Variants in KAZN observed in about 807,000 individuals in gnomAD.
KAZN encodes the protein kazrin.
Under a neutral mutation model 87.4 loss-of-function variants are expected in KAZN, and 40 were observed. That is an observed-to-expected ratio of 0.46 (90% confidence interval 0.36 to 0.60). The LOEUF (loss-of-function observed/expected upper bound fraction) is 0.60, where lower values mean the gene tolerates loss of function less well. Among genes scored for constraint, KAZN ranks in the 20% least tolerant of loss-of-function variants. The pLI, the probability that KAZN is intolerant of heterozygous loss-of-function variation, is 0.00. For synonymous variants in KAZN, 466 were observed against 458.3 expected, an observed-to-expected ratio of 1.02 and a Z score of -0.22; for missense variants, 898 against 1,073.9, an observed-to-expected ratio of 0.84 and a Z score of 2.29.
chr1:14,055,830 C>T lies in KAZN; in HGVS notation c.92-124605C>T, dbSNP rs142068936. Among the ~76,000 whole-genome samples, 648 of 152,206 alleles carry T rather than the reference C, an allele frequency of 4.3e-3. 3 individuals are homozygous for T. Among genetic ancestry groups the T allele is most frequent in the Non-Finnish European group, 5.6e-3 (380 of 68,006 alleles). On this transcript the variant is annotated intron_variant, in intron 1 of 16. Transcript: ENST00000636203. Reference sequence around the variant, plus strand: ...GTTTACAACAGAAAAATCAGCCTCCCGGATGTGTTCTGGACTTAATTTTGC... The same window carrying T: ...GTTTACAACAGAAAAATCAGCCTCCTGGATGTGTTCTGGACTTAATTTTGC...
At chr1:14,611,778 T>C (rs1490534801) in intron 1 of KAZN, among the ~76,000 whole-genome samples, 1 of 152,108 alleles carries the variant, frequency 6.6e-6, no homozygotes, top group Non-Finnish European at 1.5e-5. Context: ...CTTGTTTTGG[T>C]GTGAAGTTCA....
At position 14,985,864 on chromosome 1, in the gene KAZN, G is replaced by A. The variant is rs140668477; in HGVS notation, c.418+24989G>A. Among the ~76,000 whole-genome samples the A allele has an allele frequency of 4.5e-3, 690 of 151,984 alleles. 5 individuals are homozygous for A. The highest frequency in any genetic ancestry group is 0.016 in the African/African-American group (653 of 41,456). On this transcript the variant is annotated intron_variant, in intron 2 of 14. Transcript: ENST00000376030. ...CTAAGAATACAAAAATTAGCTGGGC[G>A]TGGTGGCACATGCCTGTAATCCCAG... is the stretch of plus-strand genomic sequence containing the variant.
At chr1:13,952,411 T>A (rs1641385761) in intron 1 of KAZN, among the ~76,000 whole-genome samples, 1 of 151,744 alleles carries the variant, frequency 6.6e-6, no homozygotes, top group African/African-American at 2.4e-5. Context: ...TGATTTGGGA[T>A]GATAGGATGA....
intron 1 of KAZN, among the ~76,000 whole-genome samples, chr1:14,772,032 A>C (rs1184666395): frequency 6.6e-6 from 1 of 152,132 alleles, no homozygotes; most frequent in African/African-American, 2.4e-5. Context: ...GCTCTTTCTA[A>C]GATGACAAAA....
At chr1:14,717,180 C>T (rs1333908704) in intron 1 of KAZN, among the ~76,000 whole-genome samples, 2 of 151,590 alleles carry the variant, frequency 1.3e-5, no homozygotes, top group South Asian at 2.1e-4. Context: ...CTCCCACTCC[C>T]CCCTACTCAC....
intron 1 of KAZN, among the ~76,000 whole-genome samples, chr1:13,962,661 G>A (rs755091903): frequency 4.6e-5 from 7 of 152,148 alleles, no homozygotes; most frequent in Non-Finnish European, 1.0e-4. Context: ...AGGTTCAAGC[G>A]ATTCTCCTGC....
At chr1:14,605,796 A>G (rs1391760011) in intron 1 of KAZN, among the ~76,000 whole-genome samples, 1 of 152,170 alleles carries the variant, frequency 6.6e-6, no homozygotes, top group African/African-American at 2.4e-5. Context: ...CAGGTCAACT[A>G]TGTAATGCCC....
At chr1:14,993,924 C>T (rs181423838) in intron 2 of KAZN, among the ~76,000 whole-genome samples, 2 of 152,328 alleles carry the variant, frequency 1.3e-5, no homozygotes, top group Admixed American at 1.3e-4. Context: ...AGGACAGGCA[C>T]TCCATGCAGG....
intron 2 of KAZN, among the ~76,000 whole-genome samples, chr1:14,270,940 C>G (rs953755223): frequency 6.6e-6 from 1 of 152,180 alleles, no homozygotes; most frequent in Non-Finnish European, 1.5e-5. Flanking sequence ...AAGCAAAGCA[C>G]CCTCATGGCG....
At chr1:14,723,371 G>A (rs924274297) in intron 1 of KAZN, among the ~76,000 whole-genome samples, 4 of 152,148 alleles carry the variant, frequency 2.6e-5, no homozygotes, top group Admixed American at 1.3e-4. Context: ...GACCAAGCAG[G>A]CAAAGCAGGA....
At chr1:13,913,002 C>G (rs1272869018) in intron 1 of KAZN, among the ~76,000 whole-genome samples, 1 of 152,144 alleles carries the variant, frequency 6.6e-6, no homozygotes, top group Non-Finnish European at 1.5e-5. Flanking sequence ...CTGCATGGCC[C>G]CTAAGAAGAT....
intron 2 of KAZN, among the ~76,000 whole-genome samples, chr1:14,295,524 C>A (rs1006714542): frequency 3.9e-5 from 6 of 152,122 alleles, no homozygotes; most frequent in African/African-American, 1.4e-4. Flanking sequence ...CAAAGAGTCA[C>A]ACAGAGGCAT....
chr1:14,762,228 C>T (rs540823408), intron 1 of KAZN, among the ~76,000 whole-genome samples: 22 of 152,262 alleles, frequency 1.4e-4, no homozygotes, highest in African/African-American at 4.3e-4. Context: ...GAGACATGGC[C>T]GCCATTCGAT....
intron 1 of KAZN, among the ~76,000 whole-genome samples, chr1:14,169,514 T>A (rs1470892883): frequency 2.0e-5 from 3 of 151,962 alleles, no homozygotes; most frequent in Middle Eastern, 3.2e-3. Context: ...GTGAAGAGGG[T>A]GCTGTCCTAG....
chr1:14,867,735 C>CCG (rs778539890), intron 1 of KAZN, among the ~76,000 whole-genome samples: 2 of 121,458 alleles, frequency 1.6e-5, no homozygotes, highest in African/African-American at 6.3e-5. Context: ...CCCCCCCCCC[C>CCG]ACCCTGGGCA....
At chr1:14,879,508 A>G (rs1653107586) in intron 1 of KAZN, among the ~76,000 whole-genome samples, 1 of 152,204 alleles carries the variant, frequency 6.6e-6, no homozygotes, top group Non-Finnish European at 1.5e-5. Flanking sequence ...CCAGCCAGCC[A>G]AAGCAAAACG....
chr1:14,888,965 CT>C (rs1239897353), intron 1 of KAZN, among the ~76,000 whole-genome samples: 2 of 152,230 alleles, frequency 1.3e-5, no homozygotes, highest in Admixed American at 1.3e-4. Context: ...GAAGAATTGT[CT>C]TTGGCCACAC....
At chr1:14,105,176 T>A (rs1644341059) in intron 1 of KAZN, among the ~76,000 whole-genome samples, 1 of 152,186 alleles carries the variant, frequency 6.6e-6, no homozygotes. Flanking sequence ...GAGAAGGACA[T>A]AATTCAAATA....
chr1:14,984,795 G>A (rs563058248), intron 2 of KAZN, among the ~76,000 whole-genome samples: 12 of 152,174 alleles, frequency 7.9e-5, no homozygotes, highest in African/African-American at 2.6e-4. Flanking sequence ...TGGCTGAAAG[G>A]GACTCCTGCT....
Sources: gnomAD v4.1 joint callset for allele counts (sites outside exome capture counted in the v4.1 genomes callset) on GRCh38, gnomAD v4.1.1 for gene constraint, MANE v1.5 for transcripts, NCBI Gene and HGNC (gene_info 2026-07-23, HGNC 2026-07-21) for gene names.